ZDHHC15: variants seen among roughly 807,000 people sequenced by gnomAD.
ZDHHC15 encodes the protein zDHHC palmitoyltransferase 15.
A neutral mutation model predicts 31.7 loss-of-function variants in ZDHHC15; 19 were observed. The ratio of observed to expected loss-of-function variants is 0.60; its 90% CI spans 0.42 to 0.88. ZDHHC15 has a LOEUF of 0.88. ZDHHC15 is among the 40% of genes least tolerant of loss of function. ZDHHC15 has a pLI of 0.00. For synonymous variants in ZDHHC15, 103 were observed against 90.0 expected (o/e 1.14, Z -0.82); for missense variants, 209 against 251.2 (o/e 0.83, Z 1.14).
In ZDHHC15 at chrX:75,371,597, A is replaced by G. The variant is rs2083006595; in HGVS notation, c.*1381T>C. On this transcript the variant is annotated 3_prime_UTR_variant, in exon 12 of 12. Transcript: ENST00000373367. ...TTTACTCAAACATATTTCAGGGAAG[A>G]TAAATTAGTAAGCCAAACCATCCCT... 8.9e-6 allele frequency: 1 copy of G among 111,749 alleles called. No homozygotes were observed. Among genetic ancestry groups the G allele is most frequent in the Admixed American group, 9.5e-5 (1 of 10,475 alleles). The allele number at this position is 111,749 out of a possible 1,213,427, so 9.2% of individuals were successfully genotyped here. A position where few individuals can be genotyped will look rare whatever the true frequency, so the allele number is the denominator to read the frequency against.
At position 75,450,859 on chromosome X, in the gene ZDHHC15, G is replaced by T; in HGVS notation, c.322C>A (p.Gln108Lys). ...ENEERPEVQK[Q>K]MLVDMAKKLP... is the part of the protein sequence containing the mutation. ...TTTTTGGCCATATCAACAAGCATCT[G>T]CTTCTGGACCTCAGGTCTTTCTTCA... The change falls in exon 4 of 12, where the codon CAG (glutamine) becomes AAG (lysine). Residue 108 changes from glutamine to lysine, a missense_variant. Gln to Lys is a moderately conservative substitution (Grantham distance 53, BLOSUM62 1). Coordinates refer to ENST00000373367, the MANE Select transcript of ZDHHC15 (RefSeq NM_144969.3). The T allele has an allele frequency of 6.6e-6, 8 of 1,210,958 alleles. No homozygotes were observed. The highest frequency in any genetic ancestry group is 8.9e-6 in the Non-Finnish European group (8 of 895,053).
intron 2 of ZDHHC15, among the ~76,000 whole-genome samples, chrX:75,496,183 C>G (rs778135843): frequency 4.5e-5 from 5 of 110,569 alleles, no homozygotes; most frequent in African/African-American, 1.3e-4. Flanking sequence ...CAATGGAAAC[C>G]AAAAGTGAAC....
chrX:75,494,371 C>T (rs1232896421), intron 2 of ZDHHC15, among the ~76,000 whole-genome samples: 2 of 111,007 alleles, frequency 1.8e-5, no homozygotes, highest in African/African-American at 3.3e-5. Flanking sequence ...AGGTAATTTA[C>T]AGATTCAATG....
chrX:75,438,882 TA>T (rs1202289567), intron 4 of ZDHHC15, among the ~76,000 whole-genome samples: 2 of 112,214 alleles, frequency 1.8e-5, no homozygotes, highest in African/African-American at 6.5e-5. Context: ...TTTTTTTGTC[TA>T]AAAAATATTT....
rs138931991 is a variant in ZDHHC15 at position 75,481,134 on chromosome X, T to G, written c.164-2149A>C. Among the ~76,000 whole-genome samples, 891 of 111,343 alleles carry G rather than the reference T, an allele frequency of 8.0e-3. 10 individuals carry two copies. Among genetic ancestry groups the G allele is most frequent in the African/African-American group, 0.027 (819 of 30,653 alleles). On this transcript the variant is annotated intron_variant, in intron 2 of 11. Transcript: ENST00000373367. ...TTTTAATGTGTTATCTTTTGCAATTTTTTTGTTTCTTTGATTTTATGAGGT... is the reference window on the plus strand; with the variant it reads ...TTTTAATGTGTTATCTTTTGCAATTGTTTTGTTTCTTTGATTTTATGAGGT...
At position 75,508,706 on chromosome X, in the gene ZDHHC15, C is replaced by T. The variant is rs1448030468; in HGVS notation, c.137-2859G>A. Among the ~76,000 whole-genome samples, 22 of 110,822 alleles carry T rather than the reference C, an allele frequency of 2.0e-4. No homozygotes were observed. The Admixed American group carries it at 2.1e-3, about 11-fold the overall frequency. ...TCAAATGGTATTTCTAGTTCTAGAT[C>T]CTTGAGGAATGGCCACACTGTCTTC... is the stretch of plus-strand genomic sequence containing the variant. On this transcript the variant is annotated intron_variant, in intron 1 of 11. Transcript: ENST00000373367.
intron 2 of ZDHHC15, among the ~76,000 whole-genome samples, chrX:75,492,800 C>A (rs1009823407): frequency 7.2e-5 from 8 of 111,523 alleles, no homozygotes; most frequent in African/African-American, 2.3e-4. Context: ...AGGGAAATTT[C>A]TAGCACTAAA....
At chrX:75,380,450 G>A (rs992311611) in intron 10 of ZDHHC15, among the ~76,000 whole-genome samples, 2 of 111,534 alleles carry the variant, frequency 1.8e-5, no homozygotes, top group Non-Finnish European at 3.8e-5. Context: ...CTTTTAGGAT[G>A]CTTTTACCTT....
At position 75,421,425 on chromosome X, in the gene ZDHHC15, A is replaced by AT. The variant is rs1416994667; in HGVS notation, c.863+438dup. Among the ~76,000 whole-genome samples, 265 of 63,507 alleles carry AT rather than the reference A, an allele frequency of 4.2e-3. 6 individuals carry two copies. Among genetic ancestry groups the AT allele is most frequent in the Non-Finnish European group, 6.0e-3 (233 of 38,701 alleles). The allele number at this position is 63,507 out of a possible 115,157, so 55.1% of individuals were successfully genotyped here. On this transcript the variant is annotated intron_variant, in intron 9 of 11. Coordinates refer to ENST00000373367, the MANE Select transcript of ZDHHC15 (RefSeq NM_144969.3). ...TATATATATATAATATATATATAATATATATATAATATATATTATATATAT... is the reference window on the plus strand; with the variant it reads ...TATATATATATAATATATATATAATATTATATATAATATATATTATATATAT...
At chrX:75,472,439 A>G (rs2084516938) in intron 3 of ZDHHC15, among the ~76,000 whole-genome samples, 1 of 112,152 alleles carries the variant, frequency 8.9e-6, no homozygotes, top group Non-Finnish European at 1.9e-5. Context: ...CCAGATGTGC[A>G]ATTATATACT....
chrX:75,466,190 T>TA (rs1307179093), intron 3 of ZDHHC15, among the ~76,000 whole-genome samples: 2 of 111,588 alleles, frequency 1.8e-5, no homozygotes, highest in Non-Finnish European at 3.8e-5. Flanking sequence ...AACAAACATG[T>TA]AAAAAAAGCT....
chrX:75,509,670 T>G (rs910506513), intron 1 of ZDHHC15, among the ~76,000 whole-genome samples: 6 of 112,673 alleles, frequency 5.3e-5, no homozygotes, highest in Non-Finnish European at 3.8e-5. Context: ...AATCACTGTG[T>G]GCCTCAGTTT....
rs1244248848 is a variant in ZDHHC15, at chrX:75,372,010, C to T, written c.*968G>A. The T allele has an allele frequency of 8.9e-6, 1 of 112,013 alleles. No individual in the cohort carries two copies. Among genetic ancestry groups the T allele is most frequent in the African/African-American group, 3.2e-5 (1 of 30,860 alleles). The allele number at this position is 112,013 out of a possible 1,213,427, so 9.2% of individuals were successfully genotyped here. ...CCTCAGGCTAATGTCAGCTGTGAAA[C>T]TTTACCCTTATGAAAGGCAGTGAAA... On this transcript the variant is annotated 3_prime_UTR_variant, in exon 12 of 12. Transcript: ENST00000373367.
intron 4 of ZDHHC15, among the ~76,000 whole-genome samples, chrX:75,445,966 C>T (rs1051378953): frequency 9.0e-6 from 1 of 111,082 alleles, no homozygotes; most frequent in Non-Finnish European, 1.9e-5. Flanking sequence ...GTTGATTCTC[C>T]TCTGGACCCA....
At chrX:75,469,150 G>T (rs1183768081) in intron 3 of ZDHHC15, among the ~76,000 whole-genome samples, 2 of 111,305 alleles carry the variant, frequency 1.8e-5, no homozygotes, top group Admixed American at 1.9e-4. Context: ...CCAAATCCAA[G>T]ATAATAAAGA....
chrX:75,417,560 T>A (rs1453097980), intron 9 of ZDHHC15, among the ~76,000 whole-genome samples: 1 of 112,028 alleles, frequency 8.9e-6, no homozygotes, highest in African/African-American at 3.2e-5. Context: ...AGATGACCAG[T>A]CTCTGAAACA....
chrX:75,492,718 G>A (rs1477875481), intron 2 of ZDHHC15, among the ~76,000 whole-genome samples: 1 of 111,640 alleles, frequency 9.0e-6, no homozygotes, highest in Non-Finnish European at 1.9e-5. Flanking sequence ...AAATAAAGAT[G>A]TTCTTTGAAA....
intron 9 of ZDHHC15, 48 bp from the exon 10 acceptor site, chrX:75,417,238 T>C (rs779862532): frequency 2.2e-5 from 20 of 927,005 alleles, no homozygotes; most frequent in Non-Finnish European, 3.1e-5. Context: ...ACATAGACTT[T>C]TGTGAAGGTT....
chrX:75,494,833 G>T (rs1479424819), intron 2 of ZDHHC15, among the ~76,000 whole-genome samples: 1 of 111,989 alleles, frequency 8.9e-6, no homozygotes, highest in East Asian at 2.8e-4. Flanking sequence ...AAAAATCCTA[G>T]AAGAAAACCT....
Sources: allele counts gnomAD v4.1 joint callset (sites outside exome capture counted in the v4.1 genomes callset), GRCh38; gene constraint gnomAD v4.1.1; transcripts MANE v1.5; gene names NCBI Gene and HGNC (gene_info 2026-07-23, HGNC 2026-07-21).